AFF3: variants seen among roughly 807,000 people sequenced by gnomAD.
AFF3 encodes AF4/FMR2 family member 3.
Under a neutral mutation model 129.7 loss-of-function variants are expected in AFF3, and 32 were observed. That is an observed-to-expected ratio of 0.25 (90% CI 0.19 to 0.33). AFF3 has a LOEUF of 0.33. Among genes scored for constraint, AFF3 ranks in the 10% least tolerant of loss-of-function variants. The pLI is 1.00. For missense variants in AFF3, 1,373 were observed against 1,592.0 expected (o/e 0.86, Z 2.34); for synonymous variants, 644 against 635.4 (o/e 1.01, Z -0.20).
intron 13 of AFF3, among the ~76,000 whole-genome samples, chr2:99,638,564 C>G (rs76293688): frequency 1.3e-5 from 2 of 152,130 alleles, no homozygotes; most frequent in South Asian, 4.1e-4. Flanking sequence ...GCTGTCCCCC[C>G]GCCCACAGAG....
chr2:99,764,622 T>C (rs775585866), intron 8 of AFF3, among the ~76,000 whole-genome samples: 2 of 152,224 alleles, frequency 1.3e-5, no homozygotes, highest in African/African-American at 2.4e-5. Flanking sequence ...AAAAATAATA[T>C]GATTCTCATT....
At chr2:99,841,817 T>C (rs1334579482) in intron 7 of AFF3, among the ~76,000 whole-genome samples, 1 of 152,182 alleles carries the variant, frequency 6.6e-6, no homozygotes, top group Non-Finnish European at 1.5e-5. Flanking sequence ...CACCAGCTCA[T>C]TGAGTTCTCT....
At chr2:100,001,549 C>T (rs2104686969) in intron 7 of AFF3, among the ~76,000 whole-genome samples, 1 of 152,344 alleles carries the variant, frequency 6.6e-6, no homozygotes, top group East Asian at 1.9e-4. Context: ...CTGCCTCAGC[C>T]TCCTGAGTAG....
chr2:100,048,936 T>A (rs765446142), intron 4 of AFF3, among the ~76,000 whole-genome samples: 2 of 152,090 alleles, frequency 1.3e-5, no homozygotes, highest in Admixed American at 1.3e-4. Flanking sequence ...GCAAATTCGG[T>A]TTTTTAAAAT....
intron 8 of AFF3, among the ~76,000 whole-genome samples, chr2:99,755,345 C>T (rs755766416): frequency 2.2e-4 from 34 of 151,642 alleles, no homozygotes; most frequent in African/African-American, 3.4e-4. Context: ...CTCAGCTCAC[C>T]GCGACCTCTG....
At chr2:99,632,678 A>G (rs998359338) in intron 13 of AFF3, among the ~76,000 whole-genome samples, 6 of 152,172 alleles carry the variant, frequency 3.9e-5, no homozygotes, top group Non-Finnish European at 8.8e-5. Flanking sequence ...CTAGTTGCTC[A>G]CTGAAAGATA....
chr2:99,976,992 T>C (rs1297063491), intron 7 of AFF3, among the ~76,000 whole-genome samples: 1 of 152,134 alleles, frequency 6.6e-6, no homozygotes, highest in Non-Finnish European at 1.5e-5. Context: ...CCAAAGAAAA[T>C]GGTCTTTGAA....
chr2:99,673,367 T>TC (rs1687335540), intron 11 of AFF3, among the ~76,000 whole-genome samples: 1 of 151,556 alleles, frequency 6.6e-6, no homozygotes. Context: ...CCCACCCAGG[T>TC]CCCCCCATTC....
At chr2:100,027,430 T>G (rs539885886) in intron 4 of AFF3, among the ~76,000 whole-genome samples, 6 of 152,210 alleles carry the variant, frequency 3.9e-5, no homozygotes, top group Admixed American at 1.3e-4. Flanking sequence ...CAGACTGAAC[T>G]TGCAGACTGA....
chr2:99,624,683 T>C (rs1235787491), intron 13 of AFF3, among the ~76,000 whole-genome samples: 4 of 152,202 alleles, frequency 2.6e-5, no homozygotes, highest in African/African-American at 9.6e-5. Context: ...AGGTCAGGAA[T>C]TCTCCTTAAT....
At chr2:100,006,244 T>TA (rs1681959805) in intron 7 of AFF3, 1 of 159,878 alleles carries the variant, frequency 6.3e-6, no homozygotes, top group Admixed American at 6.4e-5. Context: ...AATAGGTAAA[T>TA]AGATACTGAA....
chr2:99,948,108 C>T (rs905461638), intron 7 of AFF3, among the ~76,000 whole-genome samples: 4 of 152,202 alleles, frequency 2.6e-5, no homozygotes, highest in African/African-American at 9.6e-5. Flanking sequence ...AGGGGAGCCT[C>T]CTTCAGGCTG....
intron 8 of AFF3, among the ~76,000 whole-genome samples, chr2:99,815,810 TTC>T (rs747354542): frequency 2.4e-3 from 350 of 146,936 alleles, no homozygotes; most frequent in African/African-American, 3.3e-3. Flanking sequence ...TCCTGGTTCC[TTC>T]TCTCTCTCTC....
At chr2:99,951,448 T>C (rs1424678786) in intron 7 of AFF3, among the ~76,000 whole-genome samples, 2 of 152,166 alleles carry the variant, frequency 1.3e-5, no homozygotes, top group African/African-American at 4.8e-5. Flanking sequence ...CCCGTATTTT[T>C]GTAAGATTTA....
intron 11 of AFF3, among the ~76,000 whole-genome samples, chr2:99,692,201 A>G (rs1675734915): frequency 6.6e-6 from 1 of 152,122 alleles, no homozygotes. Context: ...GCCCAAATCC[A>G]GAGAGGACTC....
At chr2:99,884,260 G>A (rs1407908604) in intron 7 of AFF3, among the ~76,000 whole-genome samples, 1 of 152,146 alleles carries the variant, frequency 6.6e-6, no homozygotes, top group African/African-American at 2.4e-5. Flanking sequence ...TATACATTAT[G>A]GAATGATTAA....
chr2:99,578,290 C>T, intron 18 of AFF3, 37 bp downstream of exon 18: 1 of 1,568,134 alleles, frequency 6.4e-7, no homozygotes, highest in African/African-American at 1.4e-5. Flanking sequence ...TCTGTTCTGT[C>T]TTGCCCCTCA....
chr2:99,844,122 G>T (rs981104689), intron 7 of AFF3, among the ~76,000 whole-genome samples: 2 of 152,116 alleles, frequency 1.3e-5, no homozygotes, highest in Non-Finnish European at 2.9e-5. Flanking sequence ...AAAAAGACCT[G>T]AAAGGGACTG....
At chr2:100,087,549 C>CT (rs1396015065) in intron 4 of AFF3, among the ~76,000 whole-genome samples, 1 of 151,866 alleles carries the variant, frequency 6.6e-6, no homozygotes, top group Non-Finnish European at 1.5e-5. Context: ...ACTCAAATCT[C>CT]TTTTGAGATT....
Sources: gnomAD v4.1 joint callset for allele counts (sites outside exome capture counted in the v4.1 genomes callset) on GRCh38, gnomAD v4.1.1 for gene constraint, MANE v1.5 for transcripts, NCBI Gene and HGNC (gene_info 2026-07-23, HGNC 2026-07-21) for gene names.